BZW2: variants seen among roughly 807,000 people sequenced by gnomAD.
BZW2 encodes the protein basic leucine zipper and W2 domains 2, also known as eIF5-mimic protein 1.
In BZW2, 23 loss-of-function variants were observed where a neutral mutation model predicts 53.2. The ratio of observed to expected loss-of-function variants is 0.43; its 90% confidence interval spans 0.31 to 0.61. The LOEUF is 0.61. Ranked by LOEUF, BZW2 falls within the 20% of genes least tolerant of loss-of-function variation. The probability of loss-of-function intolerance (pLI) is 0.09; values close to 1 mark genes in which losing one functional copy is unlikely to be tolerated. For synonymous variants in BZW2, 227 were observed against 186.4 expected (o/e 1.22, Z -1.77); for missense variants, 409 against 503.1 (o/e 0.81, Z 1.79).
chr7:16,704,428 TA>T (rs1583760347), intron 10 of BZW2, 118 bp from the exon 11 acceptor site: 9 of 1,107,560 alleles, frequency 8.1e-6, no homozygotes, highest in Non-Finnish European at 1.1e-5. Context: ...TCTCTTCTGA[TA>T]AGTAACAGAA....
In BZW2 at chr7:16,706,482, C is replaced by CA. The variant is rs1783861660; in HGVS notation, c.*397dup. On this transcript the variant is annotated 3_prime_UTR_variant, in exon 12 of 12. Coordinates refer to ENST00000258761, the MANE Select transcript of BZW2 (RefSeq NM_014038.3). ...GTATCTGCTCATGTATGTGATTTGA[C>CA]AAACCAGTTTTTTAAAATAAATGGC... 5.9e-6 allele frequency: 1 copy of CA among 168,108 alleles called. No homozygotes were observed. Among genetic ancestry groups the CA allele is most frequent in the Non-Finnish European group, 1.3e-5 (1 of 78,792 alleles). The allele number at this position is 168,108 out of a possible 1,614,324, so 10.4% of individuals were successfully genotyped here. A position where few individuals can be genotyped will look rare whatever the true frequency, so the allele number is the denominator to read the frequency against.
intron 2 of BZW2, among the ~76,000 whole-genome samples, chr7:16,674,024 C>T (rs1471439644): frequency 6.6e-6 from 1 of 152,136 alleles, no homozygotes; most frequent in East Asian, 1.9e-4. Context: ...CTCAGCCTCC[C>T]AGTAGCTGGG....
At position 16,646,988 on chromosome 7, in the gene BZW2, G is replaced by T. The variant is rs180883818; in HGVS notation, c.-8+700G>T. ...GTGGAGGGTGGGGAGGTTGGAGAGG[G>T]CGGAGATTAAATTGGTGTTGCTGCC... On this transcript the variant is annotated intron_variant, in intron 1 of 11. Transcript: ENST00000258761. 1.2e-4 allele frequency among the ~76,000 whole-genome samples: 19 copies of T among 152,224 alleles called. 2 individuals carry two copies. In the East Asian group the frequency reaches 3.7e-3, roughly 29 times the overall value.
At chr7:16,658,883 G>A (rs201847670) in intron 1 of BZW2, among the ~76,000 whole-genome samples, 1 of 145,958 alleles carries the variant, frequency 6.9e-6, no homozygotes, top group Non-Finnish European at 1.5e-5. Flanking sequence ...TCAGAAAAAT[G>A]TATATATATA....
intron 1 of BZW2, among the ~76,000 whole-genome samples, chr7:16,654,850 C>CTG (rs1180092788): frequency 1.3e-5 from 2 of 152,030 alleles, no homozygotes; most frequent in Non-Finnish European, 2.9e-5. Context: ...GTATACTATA[C>CTG]TGTGTTTAAG....
chr7:16,646,539 G>T (rs987738259), intron 1 of BZW2, among the ~76,000 whole-genome samples: 1 of 151,932 alleles, frequency 6.6e-6, no homozygotes. Context: ...CTGGGACCGC[G>T]GGCGGGCGGG....
intron 2 of BZW2, among the ~76,000 whole-genome samples, chr7:16,667,833 T>G (rs73312781): frequency 1.1e-3 from 173 of 152,358 alleles, no homozygotes; most frequent in African/African-American, 4.1e-3. Flanking sequence ...AAGTATAGCC[T>G]GAGCCACTTC....
chr7:16,706,198 A>G lies in BZW2; in HGVS notation c.*110A>G, dbSNP rs1296111100. 7.3e-6 allele frequency: 9 copies of G among 1,226,354 alleles called. No homozygotes were observed. The highest frequency in any genetic ancestry group is 1.1e-5 in the Non-Finnish European group (9 of 852,676). 76.0% of individuals were successfully genotyped at this position (1,226,354 alleles called of 1,614,324 possible). A position where few individuals can be genotyped will look rare whatever the true frequency, so the allele number is the denominator to read the frequency against. On this transcript the variant is annotated 3_prime_UTR_variant, in exon 12 of 12. Transcript: ENST00000258761. ...TTCTGTTTTCGCAAAGGAAAAAAAA[A>G]ATAGGATAGGCTTCCCTTGTGCAGA...
intron 1 of BZW2, among the ~76,000 whole-genome samples, chr7:16,660,753 A>G (rs2128352499): frequency 6.6e-6 from 1 of 152,292 alleles, no homozygotes; most frequent in East Asian, 1.9e-4. Context: ...AGGGATCAGT[A>G]GTGGCTACTA....
chr7:16,665,724 G>A (rs1420562660), intron 2 of BZW2, among the ~76,000 whole-genome samples: 1 of 152,132 alleles, frequency 6.6e-6, no homozygotes, highest in African/African-American at 2.4e-5. Context: ...TACAGAATGG[G>A]ATAGATATCT....
At chr7:16,648,658 A>G (rs762520896) in intron 1 of BZW2, among the ~76,000 whole-genome samples, 6 of 152,122 alleles carry the variant, frequency 3.9e-5, no homozygotes, top group South Asian at 2.1e-4. Context: ...GAAGGTTCCA[A>G]TCCATCCATG....
intron 10 of BZW2, chr7:16,700,982 T>G (rs540940023): frequency 6.6e-6 from 1 of 152,288 alleles, no homozygotes; most frequent in East Asian, 1.9e-4. Context: ...AACTTGATGA[T>G]AGCAGAAACT....
intron 9 of BZW2, among the ~76,000 whole-genome samples, 185 bp downstream of exon 9, chr7:16,697,246 C>T (rs1243195965): frequency 1.3e-5 from 2 of 152,188 alleles, no homozygotes; most frequent in African/African-American, 2.4e-5. Flanking sequence ...CGTGCCACCA[C>T]GTCTGGCTAA....
At chr7:16,705,560 C>G (rs1307046382) in intron 11 of BZW2, among the ~76,000 whole-genome samples, 2 of 151,082 alleles carry the variant, frequency 1.3e-5, no homozygotes, top group Non-Finnish European at 2.9e-5. Context: ...TGGTGGGCAC[C>G]TGTAGTCACA....
chr7:16,698,133 A>G lies in BZW2; in HGVS notation c.1055A>G (p.Asp352Gly). The G allele has an allele frequency of 6.2e-7, 1 of 1,614,224 alleles. No homozygotes were observed. Among genetic ancestry groups the G allele is most frequent in the Non-Finnish European group, 8.5e-7 (1 of 1,180,030 alleles). Residue 352 changes from aspartate to glycine, a missense_variant, in exon 10 of 12, where the codon GAC (aspartate) becomes GGC (glycine). This residue lies in a region of BZW2 where 88 missense variants were observed against 114.6 expected (regional missense o/e 0.77). Coordinates refer to ENST00000258761, the MANE Select transcript of BZW2 (RefSeq NM_014038.3). Reference sequence around the variant, plus strand: ...CAGAAGGTTCAGGAATACTGCTACGACAACATCCATTTCATGAAAGCCTTT... The same window carrying G: ...CAGAAGGTTCAGGAATACTGCTACGGCAACATCCATTTCATGAAAGCCTTT... ...LLQKVQEYCY[D>G]NIHFMKAFQK... is the part of the protein sequence containing the mutation.
chr7:16,665,634 A>G, intron 2 of BZW2, 133 bp downstream of exon 2: 1 of 1,437,282 alleles, frequency 7.0e-7, no homozygotes, highest in Non-Finnish European at 9.4e-7. Flanking sequence ...GTAGAATCTG[A>G]AGTGCTTTAG....
intron 8 of BZW2, among the ~76,000 whole-genome samples, 176 bp from the exon 9 acceptor site, chr7:16,696,739 A>G (rs147857917): frequency 2.0e-3 from 302 of 152,308 alleles, no homozygotes; most frequent in African/African-American, 7.0e-3. Flanking sequence ...TTGCTTTGAG[A>G]ACAAATCATT....
intron 9 of BZW2, 113 bp downstream of exon 9, chr7:16,697,174 T>G: frequency 1.5e-6 from 2 of 1,290,326 alleles, no homozygotes; most frequent in Non-Finnish European, 2.1e-6. Context: ...ACTGCAACTT[T>G]GAACTCCTGG....
At chr7:16,695,128 A>C in intron 8 of BZW2, 124 bp downstream of exon 8, 1 of 863,514 alleles carries the variant, frequency 1.2e-6, no homozygotes, top group Non-Finnish European at 1.6e-6. Context: ...TTGTCCACTT[A>C]TTCCTACCAT....
Sources: allele counts gnomAD v4.1 joint callset (sites outside exome capture counted in the v4.1 genomes callset), GRCh38; gene constraint gnomAD v4.1.1; regional missense constraint gnomAD v4.1.1; transcripts MANE v1.5; gene names NCBI Gene and HGNC (gene_info 2026-07-23, HGNC 2026-07-21).